IKBKB: variants seen among roughly 807,000 people sequenced by gnomAD.
IKBKB encodes the protein inhibitor of nuclear factor kappa B kinase subunit beta.
In IKBKB, 42 loss-of-function variants were observed where a neutral mutation model predicts 113.6. The ratio of observed to expected loss-of-function variants is 0.37; its 90% confidence interval spans 0.29 to 0.48. IKBKB has a LOEUF of 0.48. IKBKB is among the 20% of genes least tolerant of loss of function. The pLI is 0.99. For synonymous variants in IKBKB, 296 were observed against 361.3 expected, an observed-to-expected ratio of 0.82 and a Z score of 2.05; for missense variants, 673 against 939.7, an observed-to-expected ratio of 0.72 and a Z score of 3.71.
chr8:42,329,730 A>G, intron 21 of IKBKB: 11 of 985,376 alleles, frequency 1.1e-5, no homozygotes, highest in Non-Finnish European at 1.3e-5. Flanking sequence ...GGGAGCAGGA[A>G]CCAGCCATGG....
intron 4 of IKBKB, among the ~76,000 whole-genome samples, chr8:42,291,205 A>G (rs1318772439): frequency 6.6e-6 from 1 of 152,086 alleles, no homozygotes; most frequent in Non-Finnish European, 1.5e-5. Flanking sequence ...TTTTGAGACA[A>G]GAGTCTCGCT....
intron 2 of IKBKB, among the ~76,000 whole-genome samples, chr8:42,276,712 GT>G (rs554087008): frequency 9.7e-4 from 134 of 138,482 alleles, no homozygotes; most frequent in Non-Finnish European, 7.7e-4. Context: ...ATGTTTTCTT[GT>G]TTTTTTTTTT....
chr8:42,298,696 C>T (rs1327538690), intron 5 of IKBKB, among the ~76,000 whole-genome samples: 1 of 152,146 alleles, frequency 6.6e-6, no homozygotes, highest in Admixed American at 6.5e-5. Flanking sequence ...GAGCCTTGGG[C>T]GAGGCATGGA....
intron 2 of IKBKB, among the ~76,000 whole-genome samples, chr8:42,284,249 A>T (rs2130211516): frequency 6.6e-6 from 1 of 152,318 alleles, no homozygotes; most frequent in South Asian, 2.1e-4. Flanking sequence ...CATCAGTCCC[A>T]CCTGGGATGC....
At chr8:42,275,767 T>G (rs1808951584) in intron 2 of IKBKB, among the ~76,000 whole-genome samples, 1 of 152,250 alleles carries the variant, frequency 6.6e-6, no homozygotes, top group African/African-American at 2.4e-5. Flanking sequence ...CATATCTCTT[T>G]GATAAACTGA....
At position 42,316,263 on chromosome 8, in the gene IKBKB, C is replaced by G. The variant is rs770202908; in HGVS notation, c.854C>G (p.Pro285Arg). 2 of 1,614,090 alleles carry G rather than the reference C, an allele frequency of 1.2e-6. No individual in the cohort carries two copies. Among genetic ancestry groups the G allele is most frequent in the Non-Finnish European group, 1.7e-6 (2 of 1,180,008 alleles). Residue 285 changes from proline (P) to arginine (R), a missense_variant, in exon 10 of 22, where the codon CCC (proline) becomes CGC (arginine). By Grantham distance (103) the Pro-to-Arg change is moderately radical. Coordinates refer to ENST00000520810, the MANE Select transcript of IKBKB (RefSeq NM_001556.3). This position sits in a 1 kb window ranked among gnomAD's most constrained non-coding sequence, Gnocchi z 4.5. The part of the protein sequence containing the change: ...KWLQLMLMWH[P>R]RQRGTDPTYG... ...CTGCAACTGATGCTGATGTGGCACC[C>G]CCGACAGAGGGGCACGGATCCCACG...
At position 42,316,790 on chromosome 8, in the gene IKBKB, G is replaced by A. The variant is rs757776100; in HGVS notation, c.1011G>A (p.Lys337=). ...VTEDESLQSL[K]ARIQQDTGIP... is the part of the protein sequence containing the mutation. ...AGGATGAGAGTCTGCAGAGCTTGAA[G>A]GCCAGAATCCAACAGGACACGGGCA... Residue 337 remains lysine (K), a synonymous_variant, in exon 11 of 22, where the codon AAG becomes AAA. Transcript: ENST00000520810. This position sits in a 1 kb window ranked among gnomAD's most constrained non-coding sequence, Gnocchi z 4.5. 2 of 1,614,136 alleles carry A rather than the reference G, an allele frequency of 1.2e-6. No homozygotes were observed. The highest frequency in any genetic ancestry group is 1.7e-6 in the Non-Finnish European group (2 of 1,180,024).
intron 2 of IKBKB, among the ~76,000 whole-genome samples, chr8:42,276,333 CTGA>C (rs1479986730): frequency 2.0e-5 from 3 of 152,142 alleles, no homozygotes; most frequent in African/African-American, 4.8e-5. Flanking sequence ...TTGCATTTGT[CTGA>C]TGATTAGTGA....
At position 42,316,333 on chromosome 8, in the gene IKBKB, C is replaced by A. The variant is rs201429847; in HGVS notation, c.924C>A (p.Asn308Lys). 15 of 1,614,050 alleles carry A rather than the reference C, an allele frequency of 9.3e-6. No individual in the cohort carries two copies. Among genetic ancestry groups the A allele is most frequent in the African/African-American group, 1.3e-5 (1 of 74,922 alleles). ...GCFKALDDIL[N>K]LKLVHILNMV... is the part of the protein sequence containing the mutation. ...TCAAGGCCCTGGATGACATCTTAAA[C>A]TTAAAGGTGAGTGTGGAGCCAAGTT... Residue 308 changes from asparagine (N) to lysine (K), a missense_variant, in exon 10 of 22, where the codon AAC (asparagine) becomes AAA (lysine). Asn to Lys is a moderately conservative substitution (Grantham distance 94, BLOSUM62 0). Around this residue, in one of 2 missense-constraint regions of IKBKB, gnomAD observed 506 missense variants for 638.7 expected, o/e 0.79. Coordinates refer to ENST00000520810, the MANE Select transcript of IKBKB (RefSeq NM_001556.3). The surrounding 1 kb of genome is among the most constrained non-coding windows in gnomAD (Gnocchi z 4.5).
intron 5 of IKBKB, among the ~76,000 whole-genome samples, chr8:42,300,282 G>A (rs1445363406): frequency 6.6e-6 from 1 of 152,148 alleles, no homozygotes; most frequent in African/African-American, 2.4e-5. Flanking sequence ...GTTTTACTGA[G>A]GGAACGGACA....
rs764141529 is a variant in IKBKB, at chr8:42,272,070, A to G, written c.-18-13A>G. 2 of 1,601,454 alleles carry G rather than the reference A, an allele frequency of 1.2e-6. No individual in the cohort carries two copies. Among genetic ancestry groups the G allele is most frequent in the Admixed American group, 1.7e-5 (1 of 57,954 alleles). ...AATCCTAACCTTTTTTCCCCATCCC[A>G]AATTGCTTATAGAGTTAGCACGACA... On this transcript the variant is annotated splice_polypyrimidine_tract_variant and intron_variant, in intron 1 of 21. Coordinates refer to ENST00000520810, the MANE Select transcript of IKBKB (RefSeq NM_001556.3).
intron 2 of IKBKB, among the ~76,000 whole-genome samples, chr8:42,288,034 G>A (rs900256786): frequency 6.6e-6 from 1 of 152,138 alleles, no homozygotes; most frequent in African/African-American, 2.4e-5. Flanking sequence ...GAGGTTTCAT[G>A]GCGGAGCTGG....
At chr8:42,308,693 C>T (rs1197376256) in intron 7 of IKBKB, among the ~76,000 whole-genome samples, 1 of 152,150 alleles carries the variant, frequency 6.6e-6, no homozygotes, top group Non-Finnish European at 1.5e-5. Flanking sequence ...TCAGTACCTA[C>T]TGGAGTGAGT....
chr8:42,290,782 G>A (rs1203209455), intron 4 of IKBKB, among the ~76,000 whole-genome samples: 1 of 152,052 alleles, frequency 6.6e-6, no homozygotes, highest in Non-Finnish European at 1.5e-5. Context: ...CAATCCATCC[G>A]ATCCACCTGA....
intron 4 of IKBKB, among the ~76,000 whole-genome samples, chr8:42,292,353 C>T (rs1412697122): frequency 6.6e-6 from 1 of 152,196 alleles, no homozygotes; most frequent in African/African-American, 2.4e-5. Context: ...GAAAGTTTAA[C>T]ATGACTGGCC....
At chr8:42,319,772 G>T in intron 15 of IKBKB, 126 bp downstream of exon 15, 1 of 809,392 alleles carries the variant, frequency 1.2e-6, no homozygotes. Flanking sequence ...ACCATGCTTT[G>T]AGCTTAACTG....
At chr8:42,323,657 C>T (rs965534752) in intron 19 of IKBKB, among the ~76,000 whole-genome samples, 1 of 152,102 alleles carries the variant, frequency 6.6e-6, no homozygotes, top group African/African-American at 2.4e-5. Flanking sequence ...GGGGACAATC[C>T]ACACACAGTG....
At chr8:42,290,313 G>T in intron 4 of IKBKB, 40 bp downstream of exon 4, 1 of 1,406,346 alleles carries the variant, frequency 7.1e-7, no homozygotes, top group Non-Finnish European at 1.0e-6. Context: ...GCCTGTCTGG[G>T]CAGGTGGGAC....
intron 9 of IKBKB, among the ~76,000 whole-genome samples, chr8:42,315,253 A>G (rs1818447470): frequency 6.6e-6 from 1 of 152,232 alleles, no homozygotes; most frequent in South Asian, 2.1e-4. Flanking sequence ...GTCACACATA[A>G]TTGAGTGACA....
Sources: gnomAD v4.1 joint callset for allele counts (sites outside exome capture counted in the v4.1 genomes callset) on GRCh38, gnomAD v4.1.1 for gene constraint, gnomAD v4.1.1 regional missense constraint, Gnocchi (gnomAD v3.1) non-coding constraint, MANE v1.5 for transcripts, NCBI Gene and HGNC (gene_info 2026-07-23, HGNC 2026-07-21) for gene names.